The following DNMT1 variants were observed in gnomAD, a reference collection of about 807,000 sequenced individuals.
DNMT1 encodes the protein DNA methyltransferase 1.
A neutral mutation model predicts 205.3 loss-of-function variants in DNMT1; 24 were observed. The observed-to-expected ratio is 0.12, with a 90% CI of 0.08 to 0.16. The LOEUF (loss-of-function observed/expected upper bound fraction) is 0.16. Ranked by LOEUF, DNMT1 falls within the 10% of genes least tolerant of loss-of-function variation. The pLI is 1.00. For missense variants in DNMT1, 1,293 were observed against 2,177.7 expected, an observed-to-expected ratio of 0.59 and a Z score of 8.09; for synonymous variants, 817 against 839.8, an observed-to-expected ratio of 0.97 and a Z score of 0.47.
chr19:10,135,080 C>A lies in DNMT1; in HGVS notation c.4773+656G>T, dbSNP rs989199850. Among the ~76,000 whole-genome samples, 2 of 151,766 alleles carry A rather than the reference C, an allele frequency of 1.3e-5. 1 individual carries two copies. The highest frequency in any genetic ancestry group is 4.2e-4 in the South Asian group (2 of 4,806). On this transcript the variant is annotated intron_variant, in intron 39 of 40. Coordinates refer to ENST00000359526, the MANE Select transcript of DNMT1 (RefSeq NM_001130823.3). ...TACAAAAATTAGCCGGGTGTGGTAG[C>A]ACATGACTGTAATCCCAGCTACTCA... is the stretch of plus-strand genomic sequence containing the variant.
intron 11 of DNMT1, among the ~76,000 whole-genome samples, 161 bp from the exon 12 acceptor site, chr19:10,163,521 C>T (rs1010936971): frequency 2.6e-5 from 4 of 152,250 alleles, no homozygotes; most frequent in East Asian, 1.9e-4. Flanking sequence ...CGGGTAGACA[C>T]GAGGCTTCAC....
In DNMT1 at chr19:10,149,635, T is replaced by G. The variant is rs1468958840; in HGVS notation, c.2404A>C (p.Ser802Arg). Residue 802 changes from serine to arginine, a missense_variant, in exon 26 of 41, where the codon AGC (serine) becomes CGC (arginine). Around this residue, in one of 13 missense-constraint regions of DNMT1, gnomAD observed 197 missense variants for 353.6 expected, o/e 0.56. Transcript: ENST00000359526. ...GCGTGAAACATCTGCCCGTTGCTGC[T>G]GTCCTCCCACAGCGCCGTGACCCTG... ...LARVTALWEDSSNGQMFHAHW... is the reference protein window; with the variant it reads ...LARVTALWEDRSNGQMFHAHW... 1 of 1,613,764 alleles carries G rather than the reference T, an allele frequency of 6.2e-7. No homozygotes were observed. The highest frequency in any genetic ancestry group is 1.3e-5 in the African/African-American group (1 of 74,900).
Position 10,137,590 on chromosome 19 carries a change from GA to G in DNMT1, c.4293+241del. The G allele has an allele frequency of 1.5e-6, 1 of 659,602 alleles. No homozygotes were observed. Among genetic ancestry groups the G allele is most frequent in the Non-Finnish European group, 2.6e-6 (1 of 384,286 alleles). The allele number at this position is 659,602 out of a possible 1,614,324, so 40.9% of individuals were successfully genotyped here. On this transcript the variant is annotated intron_variant, in intron 36 of 40. Coordinates refer to ENST00000359526, the MANE Select transcript of DNMT1 (RefSeq NM_001130823.3). The surrounding 1 kb of genome is among the most constrained non-coding windows in gnomAD (Gnocchi z 6.4). The stretch of plus-strand genomic sequence containing the variant: ...ACATGCGGGGAGAGGCAGCAAGGGG[GA>G]AGGCAGTGGTGGGTGGGCAGTGGCT...
In DNMT1 at chr19:10,162,807, A is replaced by G. The variant is rs1599375806; in HGVS notation, c.927-59T>C. On this transcript the variant is annotated intron_variant, in intron 12 of 40. Coordinates refer to ENST00000359526, the MANE Select transcript of DNMT1 (RefSeq NM_001130823.3). ...CTTAGAAACACTAACCACATCGCCA[A>G]CTCGCACGGAAAGTGACAAACTAAT... 7.6e-6 allele frequency: 12 copies of G among 1,576,530 alleles called. No homozygotes were observed. In the East Asian group the frequency reaches 2.0e-4, roughly 26 times the overall value.
intron 19 of DNMT1, among the ~76,000 whole-genome samples, chr19:10,155,374 G>A (rs756608527): frequency 1.3e-5 from 2 of 151,230 alleles, no homozygotes; most frequent in Admixed American, 6.6e-5. Context: ...GTCTTGCTCC[G>A]TCACCCAGGC....
At chr19:10,190,019 G>A (rs892685060) in intron 1 of DNMT1, among the ~76,000 whole-genome samples, 1 of 152,154 alleles carries the variant, frequency 6.6e-6, no homozygotes, top group Admixed American at 6.6e-5. Context: ...GGCAAGTAGG[G>A]CGGCATTTGA....
rs753493675 is a variant in DNMT1 at position 10,175,543 on chromosome 19, G to A, written c.645C>T (p.Asp215=). 1 of 1,614,066 alleles carries A rather than the reference G, an allele frequency of 6.2e-7. No homozygotes were observed. Among genetic ancestry groups the A allele is most frequent in the East Asian group, 2.2e-5 (1 of 44,874 alleles). ...GAAATGAAAGCACTGGCCCTACCTG[G>A]TCTTTGTCTTCTTCCTTGATGGACT... The part of the protein sequence containing the change: ...SDESIKEEDK[D]QDEKRRRVTS... The change falls in exon 7 of 41, where the codon GAC becomes GAT. Residue 215 remains aspartate (D), a synonymous_variant. Coordinates refer to ENST00000359526, the MANE Select transcript of DNMT1 (RefSeq NM_001130823.3).
intron 19 of DNMT1, 112 bp from the exon 20 acceptor site, chr19:10,155,168 C>G: frequency 7.1e-7 from 1 of 1,416,920 alleles, no homozygotes; most frequent in Non-Finnish European, 9.7e-7. Context: ...AAAGTCATCC[C>G]GTACCCAAAT....
Position 10,140,583 on chromosome 19 carries a change from T to C in DNMT1, c.3523+198A>G, listed in dbSNP as rs187572584. On this transcript the variant is annotated intron_variant, in intron 32 of 40. Transcript: ENST00000359526. This position sits in a 1 kb window ranked among gnomAD's most constrained non-coding sequence, Gnocchi z 8.4. ...CGGGGTTTCACCATGTTGGCCAGGA[T>C]GGTCTCAAACTCCTGACCTCATGAT... 1.0e-6 allele frequency: 1 copy of C among 997,546 alleles called. No homozygotes were observed. The highest frequency in any genetic ancestry group is 2.6e-5 in the East Asian group (1 of 38,456). 61.8% of individuals were successfully genotyped at this position (997,546 alleles called of 1,614,324 possible). A position where few individuals can be genotyped will look rare whatever the true frequency, so the allele number is the denominator to read the frequency against.
chr19:10,133,847 A>G lies in DNMT1; in HGVS notation c.4865-146T>C. On this transcript the variant is annotated intron_variant, in intron 40 of 40. Transcript: ENST00000359526. The surrounding 1 kb of genome is among the most constrained non-coding windows in gnomAD (Gnocchi z 4.1). ...CCAATAAGTGGCAGAGTGCTAAGGG[A>G]ACGTTCACGGAGACTGAACACTCCT... The G allele has an allele frequency of 1.1e-6, 1 of 925,472 alleles. No homozygotes were observed. The highest frequency in any genetic ancestry group is 1.7e-6 in the Non-Finnish European group (1 of 582,836). 57.3% of individuals were successfully genotyped at this position (925,472 alleles called of 1,614,324 possible).
chr19:10,149,442 C>T lies in DNMT1; in HGVS notation c.2586+11G>A. 6.2e-7 allele frequency: 1 copy of T among 1,614,056 alleles called. No individual in the cohort carries two copies. Among genetic ancestry groups the T allele is most frequent in the South Asian group, 1.1e-5 (1 of 91,066 alleles). On this transcript the variant is annotated intron_variant, in intron 26 of 40. Coordinates refer to ENST00000359526, the MANE Select transcript of DNMT1 (RefSeq NM_001130823.3). ...TAAGGCAGGGGCTCACGAGGGACAC[C>T]AGGCACTCACCTCCATGGCCCAGTT...
chr19:10,163,628 A>T (rs1350838484), intron 11 of DNMT1, among the ~76,000 whole-genome samples: 2 of 152,218 alleles, frequency 1.3e-5, no homozygotes, highest in African/African-American at 4.8e-5. Context: ...GAGCCAGAGG[A>T]TCAGTATTTT....
rs1279218298 is a variant in DNMT1, at chr19:10,162,685, T to A, written c.990A>T (p.Glu330Asp). 3.7e-6 allele frequency: 6 copies of A among 1,613,928 alleles called. No homozygotes were observed. The highest frequency in any genetic ancestry group is 5.1e-6 in the Non-Finnish European group (6 of 1,179,988). ...CCTTTACCTTTTCATCCTCGTCTTT[T>A]TCATCAGAAATCTGTGGATTTACTT... is the stretch of plus-strand genomic sequence containing the variant. ...PEKVNPQISD[E>D]KDEDEKEEKR... The change falls in exon 13 of 41, where the codon GAA becomes GAT. Residue 330 changes from glutamate (E) to aspartate (D), a missense_variant. Physicochemically the swap from Glu to Asp is conservative, Grantham distance 45. Coordinates refer to ENST00000359526, the MANE Select transcript of DNMT1 (RefSeq NM_001130823.3).
intron 9 of DNMT1, among the ~76,000 whole-genome samples, chr19:10,170,026 C>T (rs2038780630): frequency 6.6e-6 from 1 of 152,146 alleles, no homozygotes; most frequent in Non-Finnish European, 1.5e-5. Flanking sequence ...TGTTTCACCC[C>T]TGTAATCCTG....
chr19:10,173,047 G>A (rs767448969), intron 9 of DNMT1, 43 bp downstream of exon 9: 1 of 1,610,116 alleles, frequency 6.2e-7, no homozygotes, highest in Middle Eastern at 1.7e-4. Context: ...GACCATATAG[G>A]ATTAAGGGAG....
rs866408223 is a variant in DNMT1, at chr19:10,149,979, G to A, written c.2266-11C>T. 1 of 1,611,574 alleles carries A rather than the reference G, an allele frequency of 6.2e-7. No individual in the cohort carries two copies. The highest frequency in any genetic ancestry group is 8.5e-7 in the Non-Finnish European group (1 of 1,177,704). Reference sequence around the variant, plus strand: ...CTTCTTCCCATCAGTCTGAAAATGAGAGCATAAGTTCATGGAGGATCATTC... The same window carrying A: ...CTTCTTCCCATCAGTCTGAAAATGAAAGCATAAGTTCATGGAGGATCATTC... On this transcript the variant is annotated splice_polypyrimidine_tract_variant and intron_variant, in intron 24 of 40. Coordinates refer to ENST00000359526, the MANE Select transcript of DNMT1 (RefSeq NM_001130823.3).
rs148067641 is a variant in DNMT1, at chr19:10,141,775, T to C, written c.3309+253A>G. The C allele has an allele frequency of 3.0e-3, 1,620 of 537,982 alleles. 8 individuals are homozygous for C. The highest frequency in any genetic ancestry group is 4.5e-3 in the Non-Finnish European group (1,341 of 300,962). The allele number at this position is 537,982 out of a possible 1,614,324, so 33.3% of individuals were successfully genotyped here. A position where few individuals can be genotyped will look rare whatever the true frequency, so the allele number is the denominator to read the frequency against. ...ACCAAGACACTAAAACGTTAGGTTC[T>C]CTAATGACGTACTTTTTAAAAACCA... On this transcript the variant is annotated intron_variant, in intron 30 of 40. Transcript: ENST00000359526.
Position 10,136,290 on chromosome 19 carries a change from G to A in DNMT1, c.4490-3C>T. 1 of 1,613,720 alleles carries A rather than the reference G, an allele frequency of 6.2e-7. No individual in the cohort carries two copies. Among genetic ancestry groups the A allele is most frequent in the Non-Finnish European group, 8.5e-7 (1 of 1,180,016 alleles). On this transcript the variant is annotated splice_polypyrimidine_tract_variant and splice_region_variant and intron_variant, in intron 37 of 40. Coordinates refer to ENST00000359526, the MANE Select transcript of DNMT1 (RefSeq NM_001130823.3). ...TGCGGGGTCGCAGGCTTTGCCGGCT[G>A]GAAGACAGGACAGTGATGAGGCTGC...
chr19:10,135,515 G>A (rs1299853450), intron 39 of DNMT1: 6 of 586,262 alleles, frequency 1.0e-5, no homozygotes, highest in Admixed American at 5.3e-5. Context: ...CTCAATCTCT[G>A]CCTCAAAAAC....
Sources: allele counts gnomAD v4.1 joint callset (sites outside exome capture counted in the v4.1 genomes callset), GRCh38; gene constraint gnomAD v4.1.1; regional missense constraint gnomAD v4.1.1; non-coding constraint Gnocchi (gnomAD v3.1); transcripts MANE v1.5; gene names NCBI Gene and HGNC (gene_info 2026-07-23, HGNC 2026-07-21).